The following TMEM161B variants were observed in gnomAD, a reference collection of about 807,000 sequenced individuals.
The protein encoded by TMEM161B is transmembrane protein 161B.
TMEM161B carries 34 observed loss-of-function variants against 61.8 expected under a neutral mutation model. The ratio of observed to expected loss-of-function variants is 0.55; its 90% CI spans 0.42 to 0.73. TMEM161B has a LOEUF of 0.73. TMEM161B is among the 30% of genes least tolerant of loss of function. The pLI is 0.00. For synonymous variants in TMEM161B, 167 were observed against 192.8 expected, an observed-to-expected ratio of 0.87 and a Z score of 1.11; for missense variants, 456 against 558.5, an observed-to-expected ratio of 0.82 and a Z score of 1.85.
rs536989434 is a variant in TMEM161B at position 88,231,222 on chromosome 5, T to C, written c.108-2694A>G. On this transcript the variant is annotated intron_variant, in intron 2 of 11. Coordinates refer to ENST00000296595, the MANE Select transcript of TMEM161B (RefSeq NM_153354.5). ...GCAGTTTCCTAAGTACTATGAATCA[T>C]TCTAGCAGATTACTGGATCTGAGGG... Among the ~76,000 whole-genome samples, 3 of 152,294 alleles carry C rather than the reference T, an allele frequency of 2.0e-5. No individual in the cohort carries two copies. In the East Asian group the frequency reaches 5.8e-4, roughly 29 times the overall value.
At chr5:88,260,582 G>A (rs1755555115) in intron 1 of TMEM161B, among the ~76,000 whole-genome samples, 1 of 152,072 alleles carries the variant, frequency 6.6e-6, no homozygotes, top group South Asian at 2.1e-4. Context: ...CTCCCAAGTA[G>A]CTGGAACTAC....
At chr5:88,186,811 G>C (rs556204918), downstream of TMEM161B, among the ~76,000 whole-genome samples, 1 of 151,960 alleles carries the variant, frequency 6.6e-6, no homozygotes, top group South Asian at 2.1e-4. Flanking sequence ...GCTAAGGCAG[G>C]AGAATTGCTT....
chr5:88,232,278 T>G (rs1751122961), intron 2 of TMEM161B, among the ~76,000 whole-genome samples: 1 of 152,224 alleles, frequency 6.6e-6, no homozygotes, highest in African/African-American at 2.4e-5. Flanking sequence ...TTTTCGTCCC[T>G]GTCTATGTCC....
At chr5:88,219,991 GA>G (rs985823462) in intron 5 of TMEM161B, among the ~76,000 whole-genome samples, 27 of 147,752 alleles carry the variant, frequency 1.8e-4, no homozygotes, top group African/African-American at 4.5e-4. Flanking sequence ...ATTTCCATGG[GA>G]AAAAAAAAAA....
intron 1 of TMEM161B, among the ~76,000 whole-genome samples, chr5:88,267,068 T>C (rs1222948236): frequency 2.0e-5 from 3 of 152,358 alleles, no homozygotes; most frequent in African/African-American, 4.8e-5. Flanking sequence ...ATTTTAATTA[T>C]ACTTTACCTT....
intron 5 of TMEM161B, among the ~76,000 whole-genome samples, chr5:88,215,301 C>T (rs1248400742): frequency 1.3e-5 from 2 of 152,030 alleles, no homozygotes; most frequent in African/African-American, 2.4e-5. Context: ...CAAAGAGAAG[C>T]CAGACAGGGG....
At chr5:88,243,343 T>C (rs1288168471) in intron 1 of TMEM161B, among the ~76,000 whole-genome samples, 5 of 151,882 alleles carry the variant, frequency 3.3e-5, no homozygotes, top group African/African-American at 1.2e-4. Flanking sequence ...ATGCGGTATT[T>C]GGTTTTCTGT....
At chr5:88,222,093 A>T (rs907763503) in intron 4 of TMEM161B, among the ~76,000 whole-genome samples, 1 of 152,174 alleles carries the variant, frequency 6.6e-6, no homozygotes, top group Non-Finnish European at 1.5e-5. Context: ...TTTAACTTTT[A>T]GGTTAACTGC....
At chr5:88,258,524 C>A (rs1329287778) in intron 1 of TMEM161B, among the ~76,000 whole-genome samples, 3 of 152,014 alleles carry the variant, frequency 2.0e-5, no homozygotes, top group African/African-American at 7.2e-5. Context: ...CTCTCTTGAC[C>A]AAGGGCGAAT....
intron 1 of TMEM161B, chr5:88,250,971 G>C (rs1754267819): frequency 6.6e-6 from 1 of 152,180 alleles, no homozygotes. Context: ...TTAATGCAAG[G>C]CCAACTACAT....
intron 8 of TMEM161B, among the ~76,000 whole-genome samples, chr5:88,203,904 G>T (rs1327823349): frequency 1.1e-4 from 17 of 149,852 alleles, no homozygotes. Flanking sequence ...GTCCAAGTTT[G>T]TATCCTACAG....
chr5:88,231,699 A>G (rs943819009), intron 2 of TMEM161B, among the ~76,000 whole-genome samples: 11 of 152,352 alleles, frequency 7.2e-5, no homozygotes, highest in African/African-American at 2.6e-4. Flanking sequence ...TTTATACTGA[A>G]GTCCAGAATT....
intron 10 of TMEM161B, 82 bp downstream of exon 10, chr5:88,198,894 T>C: frequency 8.5e-7 from 1 of 1,171,844 alleles, no homozygotes; most frequent in East Asian, 2.4e-5. Flanking sequence ...TGAAATACTA[T>C]CTACTAAAGG....
chr5:88,197,882 G>T, intron 10 of TMEM161B, 117 bp from the exon 11 acceptor site: 1 of 819,618 alleles, frequency 1.2e-6, no homozygotes, highest in Non-Finnish European at 1.9e-6. Context: ...CAAGAAGGAA[G>T]CTAAATGTCA....
chr5:88,232,698 C>T (rs1371114996), intron 2 of TMEM161B, among the ~76,000 whole-genome samples: 2 of 152,108 alleles, frequency 1.3e-5, no homozygotes, highest in African/African-American at 2.4e-5. Context: ...CTCAGCCTCC[C>T]GAGTACCTAG....
chr5:88,236,805 G>A lies in TMEM161B; in HGVS notation c.107+4008C>T, dbSNP rs1176688505. On this transcript the variant is annotated intron_variant, in intron 2 of 11. Coordinates refer to ENST00000296595, the MANE Select transcript of TMEM161B (RefSeq NM_153354.5). The stretch of plus-strand genomic sequence containing the variant: ...TCCATAAGAACATAGCAAGTGAACT[G>A]CATACTACTTATAACCTATAGGATA... Among the ~76,000 whole-genome samples the A allele has an allele frequency of 2.0e-5, 3 of 152,134 alleles. No individual in the cohort carries two copies. The East Asian group carries it at 5.8e-4, about 29-fold the overall frequency.
At chr5:88,251,089 C>A (rs1286441622) in intron 1 of TMEM161B, 1 of 152,018 alleles carries the variant, frequency 6.6e-6, no homozygotes, top group Non-Finnish European at 1.5e-5. Context: ...CTTTTGTGGA[C>A]AATTTGGTGG....
chr5:88,253,054 A>G (rs1466667970), intron 1 of TMEM161B, among the ~76,000 whole-genome samples: 1 of 152,140 alleles, frequency 6.6e-6, no homozygotes, highest in Non-Finnish European at 1.5e-5. Context: ...TATACAAAAT[A>G]CCACACTAGA....
At chr5:88,190,055 A>AAGAACATC, downstream of TMEM161B, 1 of 700,578 alleles carries the variant, frequency 1.4e-6, no homozygotes, top group East Asian at 2.7e-5. Context: ...TAAGATCTCA[A>AAGAACATC]AGAAGCACAT....
Sources: gnomAD v4.1 joint callset for allele counts (sites outside exome capture counted in the v4.1 genomes callset) on GRCh38, gnomAD v4.1.1 for gene constraint, MANE v1.5 for transcripts, NCBI Gene and HGNC (gene_info 2026-07-23, HGNC 2026-07-21) for gene names.